USP30: variants seen among roughly 807,000 people sequenced by gnomAD.
The protein encoded by USP30 is ubiquitin specific peptidase 30.
USP30 carries 41 observed loss-of-function variants against 68.2 expected under a neutral mutation model. The observed-to-expected ratio is 0.60, with a 90% CI of 0.47 to 0.78. The LOEUF (loss-of-function observed/expected upper bound fraction) is 0.78. Among genes scored for constraint, USP30 ranks in the 30% least tolerant of loss-of-function variants. The pLI, the probability that USP30 is intolerant of heterozygous loss-of-function variation, is 0.00. For missense variants in USP30, 522 were observed against 649.4 expected (o/e 0.80, Z 2.13); for synonymous variants, 229 against 253.7 (o/e 0.90, Z 0.93).
chr12:109,062,576 C>T (rs1040025732), intron 3 of USP30, among the ~76,000 whole-genome samples: 12 of 152,124 alleles, frequency 7.9e-5, no homozygotes, highest in Non-Finnish European at 1.0e-4. Flanking sequence ...GATCCGCCCG[C>T]CTTGGCCTCC....
intron 3 of USP30, among the ~76,000 whole-genome samples, chr12:109,063,645 G>A (rs1198387177): frequency 6.6e-6 from 1 of 152,082 alleles, no homozygotes; most frequent in Admixed American, 6.6e-5. Flanking sequence ...GATGGTGCAC[G>A]ATTTTATAAT....
At chr12:109,066,155 G>C (rs1249376693) in intron 3 of USP30, among the ~76,000 whole-genome samples, 1 of 150,042 alleles carries the variant, frequency 6.7e-6, no homozygotes, top group East Asian at 2.0e-4. Flanking sequence ...AGGAGGCCAA[G>C]ATGGGAGGAT....
rs2041794628 is a variant in USP30, at chr12:109,081,530, A to G, written c.780+137A>G. 7.9e-6 allele frequency: 7 copies of G among 888,462 alleles called. No individual in the cohort carries two copies. In the South Asian group the frequency reaches 1.1e-4, roughly 14 times the overall value. 55.0% of individuals were successfully genotyped at this position (888,462 alleles called of 1,614,324 possible). On this transcript the variant is annotated intron_variant, in intron 8 of 12. Transcript: ENST00000257548. Reference sequence around the variant, plus strand: ...TTGGTTGAACCCTCTCTTAACTTTCATATGGTGGCATGATTATGGGAGAGA... The same window carrying G: ...TTGGTTGAACCCTCTCTTAACTTTCGTATGGTGGCATGATTATGGGAGAGA...
At chr12:109,078,238 A>G (rs944494155) in intron 7 of USP30, among the ~76,000 whole-genome samples, 1 of 152,140 alleles carries the variant, frequency 6.6e-6, no homozygotes, top group Non-Finnish European at 1.5e-5. Context: ...AGCATGGCCA[A>G]CATGGTGAAA....
At chr12:109,048,528 T>G (rs1385137103), upstream of USP30, among the ~76,000 whole-genome samples, 2 of 151,200 alleles carry the variant, frequency 1.3e-5, no homozygotes, top group Non-Finnish European at 1.5e-5. Flanking sequence ...TCACCTGAGG[T>G]CAGGAGTTCG....
chr12:109,055,379 CATAT>C (rs71443831), intron 1 of USP30, among the ~76,000 whole-genome samples: 5,175 of 58,698 alleles, frequency 0.088, 692 homozygotes, highest in East Asian at 0.29. Flanking sequence ...CATATATATA[CATAT>C]ATATATATAT....
Position 109,087,894 on chromosome 12 carries a change from T to C in USP30, c.*1963T>C, listed in dbSNP as rs2041983869. On this transcript the variant is annotated 3_prime_UTR_variant, in exon 13 of 13. Coordinates refer to ENST00000257548, the MANE Select transcript of USP30 (RefSeq NM_032663.5). ...TAGTTTTATTTTCAAAGTAAGTAGC[T>C]TCTTTTGGGAAAAACCTAAGTTAAA... is the stretch of plus-strand genomic sequence containing the variant. 5.4e-6 allele frequency: 1 copy of C among 185,192 alleles called. No homozygotes were observed. The highest frequency in any genetic ancestry group is 2.3e-5 in the African/African-American group (1 of 42,562). The allele number at this position is 185,192 out of a possible 1,614,324, so 11.5% of individuals were successfully genotyped here.
chr12:109,027,218 G>A (rs1336663298), intron 2 of USP30, among the ~76,000 whole-genome samples: 1 of 152,170 alleles, frequency 6.6e-6, no homozygotes, highest in East Asian at 1.9e-4. Flanking sequence ...TCTACCCATT[G>A]AGTAATAACT....
At chr12:109,083,141 C>A in intron 11 of USP30, 79 bp downstream of exon 11, 1 of 1,403,042 alleles carries the variant, frequency 7.1e-7, no homozygotes, top group Non-Finnish European at 9.7e-7. Flanking sequence ...CCTTCTGGGT[C>A]CCTTATGACA....
At chr12:109,067,107 ATTT>A (rs754748366) in intron 3 of USP30, among the ~76,000 whole-genome samples, 3 of 104,560 alleles carry the variant, frequency 2.9e-5, no homozygotes, top group Admixed American at 1.2e-4. Flanking sequence ...ACAGTCCTTA[ATTT>A]TTTTTTTTTT....
Position 109,082,971 on chromosome 12 carries a change from T to G in USP30, c.1077T>G (p.Leu359=). 1 of 1,614,232 alleles carries G rather than the reference T, an allele frequency of 6.2e-7. No homozygotes were observed. Reference sequence around the variant, plus strand: ...TGGACATTTACAAGTACCACCTCCTTGGACATAAACCTAGTCAACACAACC... The same window carrying G: ...TGGACATTTACAAGTACCACCTCCTGGGACATAAACCTAGTCAACACAACC... ...LMMDIYKYHL[L]GHKPSQHNPK... The change falls in exon 11 of 13, where the codon CTT becomes CTG. Residue 359 remains leucine (L), a synonymous_variant. Coordinates refer to ENST00000257548, the MANE Select transcript of USP30 (RefSeq NM_032663.5).
intron 3 of USP30, among the ~76,000 whole-genome samples, chr12:109,044,128 T>C (rs1352431211): frequency 6.6e-6 from 1 of 152,216 alleles, no homozygotes; most frequent in Non-Finnish European, 1.5e-5. Flanking sequence ...GACAAATTAC[T>C]GTATGATTCC....
rs1261118254 is a variant in USP30 at position 109,042,563 on chromosome 12, C to T, written c.-135-5027C>T. On this transcript the variant is annotated intron_variant, in intron 3 of 15. Transcript: ENST00000392784. ...GTTTTCATAGCTACATAGTACTCTC[C>T]TGTGTGGGTATATAATAATTTTGCT... 3.9e-5 allele frequency among the ~76,000 whole-genome samples: 6 copies of T among 152,240 alleles called. No individual in the cohort carries two copies. The South Asian group carries it at 1.0e-3, about 26-fold the overall frequency.
intron 7 of USP30, among the ~76,000 whole-genome samples, chr12:109,076,892 C>T (rs1268683169): frequency 1.1e-4 from 17 of 151,778 alleles, no homozygotes; most frequent in South Asian, 2.1e-4. Context: ...CCACCACGCC[C>T]GGCTAATTTT....
chr12:109,055,669 T>C (rs2040848967), intron 1 of USP30, among the ~76,000 whole-genome samples: 2 of 150,496 alleles, frequency 1.3e-5, no homozygotes, highest in South Asian at 4.2e-4. Flanking sequence ...AGTGCTGGGA[T>C]TACAGGCATG....
chr12:109,066,336 T>C (rs1430364108), intron 3 of USP30, among the ~76,000 whole-genome samples: 1 of 151,204 alleles, frequency 6.6e-6, no homozygotes, highest in Non-Finnish European at 1.5e-5. Context: ...GAAGTAATTA[T>C]AATATAAATA....
chr12:109,056,125 T>G (rs1043529309), intron 1 of USP30, among the ~76,000 whole-genome samples: 10 of 152,166 alleles, frequency 6.6e-5, no homozygotes, highest in Non-Finnish European at 1.0e-4. Context: ...AACTTCAGTT[T>G]TTCCTCAGAG....
At chr12:109,081,589 T>C in intron 8 of USP30, 196 bp downstream of exon 8, 1 of 652,844 alleles carries the variant, frequency 1.5e-6, no homozygotes, top group Non-Finnish European at 2.6e-6. Context: ...GCTCCAGAAA[T>C]TTTGGCTTTT....
Position 109,085,874 on chromosome 12 carries a change from C to T in USP30, c.1497C>T (p.Tyr499=), listed in dbSNP as rs778204248. 8.1e-6 allele frequency: 13 copies of T among 1,614,106 alleles called. No homozygotes were observed. The highest frequency in any genetic ancestry group is 5.0e-5 in the Admixed American group (3 of 60,004). ...CCTCCAGCGCCTACCTGCTGTTCTA[C>T]GAGCGCGTCCTTTCCAGGATGCAGC... is the stretch of plus-strand genomic sequence containing the variant. ...VLSSSAYLLF[Y]ERVLSRMQHQ... is the part of the protein sequence containing the mutation. Residue 499 remains tyrosine (Y), a synonymous_variant, in exon 13 of 13, where the codon TAC becomes TAT. Coordinates refer to ENST00000257548, the MANE Select transcript of USP30 (RefSeq NM_032663.5).
Sources: gnomAD v4.1 joint callset for allele counts (sites outside exome capture counted in the v4.1 genomes callset) on GRCh38, gnomAD v4.1.1 for gene constraint, MANE v1.5 for transcripts, NCBI Gene and HGNC (gene_info 2026-07-23, HGNC 2026-07-21) for gene names.